The following MTA1 variants were observed in gnomAD, a reference collection of about 807,000 sequenced individuals.
MTA1 encodes metastasis associated 1, also known as metastasis-associated protein MTA1.
A neutral mutation model predicts 97.0 loss-of-function variants in MTA1; 15 were observed. That is an observed-to-expected ratio of 0.15 (90% CI 0.10 to 0.24). MTA1 has a LOEUF of 0.24. Ranked by LOEUF, MTA1 falls within the 10% of genes least tolerant of loss-of-function variation. The pLI is 1.00. For missense variants in MTA1, 709 were observed against 1,015.1 expected (o/e 0.70, Z 4.10); for synonymous variants, 435 against 417.5 (o/e 1.04, Z -0.51).
chr14:105,467,566 GC>G, intron 18 of MTA1: 6 of 444,702 alleles, frequency 1.3e-5, no homozygotes, highest in South Asian at 7.9e-5. Context: ...CGGGTGCCGG[GC>G]CCCCCATCTC....
In MTA1 at chr14:105,420,929, A is replaced by G. The variant is rs1335516993; in HGVS notation, c.28+866A>G. ...CTCCCTGCCTGTGACCCTCTCGGGC[A>G]GGTGCTCATTACCTTTCCCACCTGC... is the stretch of plus-strand genomic sequence containing the variant. On this transcript the variant is annotated intron_variant, in intron 1 of 20. Transcript: ENST00000331320. The surrounding 1 kb of genome is among the most constrained non-coding windows in gnomAD (Gnocchi z 5.3). 6.6e-6 allele frequency among the ~76,000 whole-genome samples: 1 copy of G among 152,144 alleles called. No homozygotes were observed. The highest frequency in any genetic ancestry group is 1.5e-5 in the Non-Finnish European group (1 of 68,006).
At chr14:105,429,166 G>C (rs986831888) in intron 1 of MTA1, among the ~76,000 whole-genome samples, 5 of 152,290 alleles carry the variant, frequency 3.3e-5, no homozygotes, top group African/African-American at 9.6e-5. Flanking sequence ...GCCTCGCTCA[G>C]GCTGGGGCTC....
intron 2 of MTA1, among the ~76,000 whole-genome samples, chr14:105,443,517 G>A (rs2082613823): frequency 6.6e-6 from 1 of 152,262 alleles, no homozygotes; most frequent in Admixed American, 6.5e-5. Flanking sequence ...GACTACAGGC[G>A]CACACCACTG....
intron 19 of MTA1, 70 bp downstream of exon 19, chr14:105,469,568 C>A (rs2083745226): frequency 1.3e-6 from 2 of 1,544,504 alleles, no homozygotes; most frequent in South Asian, 1.1e-5. Context: ...TGGGAAGAGG[C>A]CTGGCCAGCC....
chr14:105,455,780 C>G (rs1431430116), intron 7 of MTA1, among the ~76,000 whole-genome samples: 1 of 152,224 alleles, frequency 6.6e-6, no homozygotes, highest in African/African-American at 2.4e-5. Flanking sequence ...TTGCAAGCAT[C>G]TGTGCTCTGG....
chr14:105,455,766 T>TAC (rs1567032655), intron 7 of MTA1, among the ~76,000 whole-genome samples: 2 of 152,230 alleles, frequency 1.3e-5, no homozygotes, highest in African/African-American at 4.8e-5. Flanking sequence ...GTGGGCCTGC[T>TAC]ACATTGCAAG....
chr14:105,425,593 T>G (rs2081983712), intron 1 of MTA1, among the ~76,000 whole-genome samples: 1 of 152,116 alleles, frequency 6.6e-6, no homozygotes, highest in African/African-American at 2.4e-5. Context: ...GCATTTAATA[T>G]TCTCCAAATG....
At position 105,463,714 on chromosome 14, in the gene MTA1, C is replaced by A; in HGVS notation, c.1076+163C>A. 1.5e-6 allele frequency: 1 copy of A among 675,314 alleles called. No homozygotes were observed. The highest frequency in any genetic ancestry group is 2.5e-6 in the Non-Finnish European group (1 of 394,624). 41.8% of individuals were successfully genotyped at this position (675,314 alleles called of 1,614,324 possible). ...GCCCAGGGCTGGGGGGTTCTGGCTG[C>A]AGACGCAGTGGCCATGTCTCTGTCG... On this transcript the variant is annotated intron_variant, in intron 12 of 20. Coordinates refer to ENST00000331320, the MANE Select transcript of MTA1 (RefSeq NM_004689.4). The surrounding 1 kb of genome is among the most constrained non-coding windows in gnomAD (Gnocchi z 5.9).
intron 1 of MTA1, among the ~76,000 whole-genome samples, chr14:105,426,099 G>A (rs969051956): frequency 2.6e-5 from 4 of 152,092 alleles, no homozygotes; most frequent in Admixed American, 6.6e-5. Flanking sequence ...GCCCTTTCAC[G>A]GTCAGGGCCT....
rs587762929 is a variant in MTA1, at chr14:105,436,130, G to A, written c.29-2542G>A. Among the ~76,000 whole-genome samples the A allele has an allele frequency of 9.7e-4, 147 of 152,260 alleles. 1 individual carries two copies. Among genetic ancestry groups the A allele is most frequent in the Middle Eastern group, 6.8e-3 (2 of 294 alleles). ...CTAAAAATACAAAAATTAACTGGGC[G>A]TGGTGGTAGGCTCCTGTAATCCCAG... On this transcript the variant is annotated intron_variant, in intron 1 of 20. Coordinates refer to ENST00000331320, the MANE Select transcript of MTA1 (RefSeq NM_004689.4).
intron 1 of MTA1, among the ~76,000 whole-genome samples, chr14:105,425,927 G>T (rs1289650922): frequency 6.6e-6 from 1 of 151,890 alleles, no homozygotes; most frequent in Non-Finnish European, 1.5e-5. Context: ...CCTGGGCCAT[G>T]CAGCGCACCT....
intron 2 of MTA1, among the ~76,000 whole-genome samples, chr14:105,441,260 GC>G (rs10717006): frequency 0.053 from 8,053 of 151,818 alleles, 738 homozygotes; most frequent in African/African-American, 0.18. Context: ...CCCCTGGTGG[GC>G]CCCCCCGCCC....
intron 1 of MTA1, among the ~76,000 whole-genome samples, chr14:105,434,342 T>C (rs1166415166): frequency 6.6e-6 from 1 of 152,232 alleles, no homozygotes; most frequent in Non-Finnish European, 1.5e-5. Context: ...TTTCAGCATG[T>C]AGATCTTTGC....
At chr14:105,468,179 C>A in intron 18 of MTA1, 1 of 568,500 alleles carries the variant, frequency 1.8e-6, no homozygotes, top group Non-Finnish European at 3.0e-6. Context: ...CGAGTGAGGG[C>A]CCTGCCTGCC....
intron 1 of MTA1, among the ~76,000 whole-genome samples, chr14:105,431,589 G>A (rs1352894961): frequency 1.3e-5 from 2 of 152,182 alleles, no homozygotes; most frequent in African/African-American, 4.8e-5. Flanking sequence ...TCTATTACTT[G>A]TTGGCAGGTA....
chr14:105,428,717 C>CTTTT (rs60016099), intron 1 of MTA1, among the ~76,000 whole-genome samples: 2 of 145,490 alleles, frequency 1.4e-5, no homozygotes, highest in Non-Finnish European at 1.5e-5. Flanking sequence ...AGAAGTGTTT[C>CTTTT]TTTTTTTTTT....
chr14:105,467,703 T>C (rs1555433255), intron 18 of MTA1: 1 of 355,966 alleles, frequency 2.8e-6, no homozygotes, highest in Non-Finnish European at 5.6e-6. Flanking sequence ...CCATCTGGTA[T>C]TGGGGCTGCC....
chr14:105,422,170 G>T lies in MTA1; in HGVS notation c.28+2107G>T, dbSNP rs1179689399. ...TCCTCTCCCTGCAGGTGAGACTGTA[G>T]GCCTCCCCCTCTCTACTCTGACTGT... On this transcript the variant is annotated intron_variant, in intron 1 of 20. Transcript: ENST00000331320. This position sits in a 1 kb window ranked among gnomAD's most constrained non-coding sequence, Gnocchi z 4.3. Among the ~76,000 whole-genome samples the T allele has an allele frequency of 1.3e-5, 2 of 152,146 alleles. No individual in the cohort carries two copies. The highest frequency in any genetic ancestry group is 6.5e-5 in the Admixed American group (1 of 15,278).
At chr14:105,433,481 G>C (rs7144389) in intron 1 of MTA1, among the ~76,000 whole-genome samples, 96,320 of 152,002 alleles carry the variant, frequency 0.63, 34,424 homozygotes, top group Non-Finnish European at 0.81. Flanking sequence ...GATGCTCCAA[G>C]AGCTCCGAGG....
Sources: gnomAD v4.1 joint callset for allele counts (sites outside exome capture counted in the v4.1 genomes callset) on GRCh38, gnomAD v4.1.1 for gene constraint, Gnocchi (gnomAD v3.1) non-coding constraint, MANE v1.5 for transcripts, NCBI Gene and HGNC (gene_info 2026-07-23, HGNC 2026-07-21) for gene names.